The following ULK4 variants were observed in gnomAD, a reference collection of about 807,000 sequenced individuals.
The protein encoded by ULK4 is unc-51 like kinase 4.
Under a neutral mutation model 160.6 loss-of-function variants are expected in ULK4, and 133 were observed. That is an observed-to-expected ratio of 0.83 (90% CI 0.72 to 0.96). The LOEUF (loss-of-function observed/expected upper bound fraction) is 0.96. Ranked by LOEUF, ULK4 falls within the 40% of genes least tolerant of loss-of-function variation. The probability of loss-of-function intolerance (pLI) is 0.00; values close to 1 mark genes in which losing one functional copy is unlikely to be tolerated. For missense variants in ULK4, 1,580 were observed against 1,499.5 expected (o/e 1.05, Z -0.89); for synonymous variants, 534 against 539.8 (o/e 0.99, Z 0.15).
In ULK4 at chr3:41,353,699, T is replaced by TTACTAC. The variant is rs4016416; in HGVS notation, c.3678+44374_3678+44379dup. 3.8e-3 allele frequency among the ~76,000 whole-genome samples: 546 copies of TTACTAC among 143,952 alleles called. 2 individuals carry two copies. The highest frequency in any genetic ancestry group is 7.6e-3 in the East Asian group (37 of 4,878). 94.4% of individuals were successfully genotyped at this position (143,952 alleles called of 152,430 possible). On this transcript the variant is annotated intron_variant, in intron 35 of 36. Coordinates refer to ENST00000301831, the MANE Select transcript of ULK4 (RefSeq NM_017886.4). Reference sequence around the variant, plus strand: ...ATAATAATAATAATAATAATTACAATTACTACTACTACTACTACTACTACT... The same window carrying TTACTAC: ...ATAATAATAATAATAATAATTACAATTACTACTACTACTACTACTACTACTACTACT...
chr3:41,909,028 G>T (rs112245154), intron 11 of ULK4, among the ~76,000 whole-genome samples: 18,558 of 144,402 alleles, frequency 0.13, 1,304 homozygotes, highest in Middle Eastern at 0.28. Context: ...AGGAGGTGGA[G>T]ATTGCAGTGA....
chr3:41,340,614 T>G (rs1159295198), intron 35 of ULK4, among the ~76,000 whole-genome samples: 1 of 152,220 alleles, frequency 6.6e-6, no homozygotes, highest in Non-Finnish European at 1.5e-5. Flanking sequence ...ATCCAGTTCC[T>G]CAACAGTATG....
chr3:41,615,553 G>T, intron 31 of ULK4, 116 bp downstream of exon 31: 1 of 919,786 alleles, frequency 1.1e-6, no homozygotes, highest in South Asian at 1.7e-5. Context: ...TGATGATGAT[G>T]GACGTACAAT....
chr3:41,633,317 T>A (rs188495539), intron 30 of ULK4, among the ~76,000 whole-genome samples: 9 of 152,284 alleles, frequency 5.9e-5, no homozygotes, highest in Admixed American at 5.9e-4. Flanking sequence ...TATTTCATGA[T>A]ATATGAAAAC....
At chr3:41,839,592 T>C (rs886924700) in intron 17 of ULK4, among the ~76,000 whole-genome samples, 3 of 151,080 alleles carry the variant, frequency 2.0e-5, no homozygotes, top group African/African-American at 7.3e-5. Context: ...ATAGAAAAAA[T>C]GGACCAACTC....
rs1269284566 is a variant in ULK4 at position 41,520,063 on chromosome 3, C to T, written c.3226+45962G>A. The stretch of plus-strand genomic sequence containing the variant: ...TTTAACTGCGGTAAAATACACATAC[C>T]ATAAAAATGTACCATTTTAACTATT... On this transcript the variant is annotated intron_variant, in intron 32 of 36. Transcript: ENST00000301831. Among the ~76,000 whole-genome samples, 6 of 152,148 alleles carry T rather than the reference C, an allele frequency of 3.9e-5. No homozygotes were observed. In the South Asian group the frequency reaches 1.0e-3, roughly 26 times the overall value.
intron 1 of ULK4, among the ~76,000 whole-genome samples, chr3:41,958,586 C>G (rs144082288): frequency 1.5e-3 from 231 of 151,208 alleles, no homozygotes; most frequent in African/African-American, 5.4e-3. Context: ...GTGGCGCGCA[C>G]CTGTAATCCC....
intron 17 of ULK4, among the ~76,000 whole-genome samples, chr3:41,861,574 T>C (rs2042497228): frequency 6.6e-6 from 1 of 152,104 alleles, no homozygotes; most frequent in Non-Finnish European, 1.5e-5. Flanking sequence ...GTAGGATCCT[T>C]TCTTTATCCC....
chr3:41,833,279 T>C (rs2041651038), intron 18 of ULK4, among the ~76,000 whole-genome samples: 1 of 144,934 alleles, frequency 6.9e-6, no homozygotes, highest in Non-Finnish European at 1.5e-5. Context: ...AAGTTGTTTT[T>C]TTTTTTGTTT....
Position 41,566,109 on chromosome 3 carries a change from C to A in ULK4, c.3142G>T (p.Gly1048Cys), listed in dbSNP as rs767280666. The change falls in exon 32 of 37, where the codon GGT becomes TGT. Residue 1048 changes from glycine (G) to cysteine (C), a missense_variant. Transcript: ENST00000301831. Reference sequence around the variant, plus strand: ...GCAATCACACTTTGCATGGTATTACCCAGAATGCTCTCCTGATGTTCCTGC... The same window carrying A: ...GCAATCACACTTTGCATGGTATTACACAGAATGCTCTCCTGATGTTCCTGC... ...VTLEHQESIL[G>C]NTMQSVIALL... The A allele has an allele frequency of 6.2e-7, 1 of 1,612,780 alleles. No homozygotes were observed. The highest frequency in any genetic ancestry group is 1.1e-5 in the South Asian group (1 of 90,842).
intron 2 of ULK4, among the ~76,000 whole-genome samples, chr3:41,944,320 C>T (rs9876960): frequency 0.69 from 104,146 of 152,030 alleles, 39,195 homozygotes; most frequent in East Asian, 0.83. Context: ...TGCTTTAAGA[C>T]GTGTAATTTC....
At chr3:41,692,317 A>G (rs1479674542) in intron 27 of ULK4, among the ~76,000 whole-genome samples, 2 of 152,078 alleles carry the variant, frequency 1.3e-5, no homozygotes, top group African/African-American at 4.8e-5. Flanking sequence ...ATATGACAGC[A>G]AACATGTTCT....
chr3:41,742,252 G>T (rs1373943955), intron 22 of ULK4, among the ~76,000 whole-genome samples: 3 of 151,964 alleles, frequency 2.0e-5, no homozygotes, highest in Admixed American at 2.0e-4. Context: ...CCTGCAAAGT[G>T]GAAGCAGTAA....
rs148165187 is a variant in ULK4, at chr3:41,748,802, T to A, written c.2321+5559A>T. On this transcript the variant is annotated intron_variant, in intron 22 of 36. Transcript: ENST00000301831. ...CTTAGACAAAAAGGTATTAATAGTA[T>A]GCTATGAATACTGTTCTAAATCTGA... Among the ~76,000 whole-genome samples the A allele has an allele frequency of 2.0e-3, 310 of 152,338 alleles. 2 individuals are homozygous for A. The highest frequency in any genetic ancestry group is 7.2e-3 in the African/African-American group (300 of 41,586).
intron 31 of ULK4, among the ~76,000 whole-genome samples, chr3:41,579,279 A>G (rs1161431204): frequency 6.6e-6 from 1 of 152,170 alleles, no homozygotes; most frequent in Non-Finnish European, 1.5e-5. Flanking sequence ...CCAGAAATCA[A>G]AATGAGTGCT....
intron 18 of ULK4, among the ~76,000 whole-genome samples, chr3:41,834,796 C>A (rs904405051): frequency 5.3e-5 from 8 of 152,194 alleles, no homozygotes; most frequent in African/African-American, 1.9e-4. Context: ...GTAATCCCAG[C>A]ACTGTGGGAG....
chr3:41,493,341 C>T (rs371221823), intron 32 of ULK4, among the ~76,000 whole-genome samples: 3 of 144,524 alleles, frequency 2.1e-5, no homozygotes, highest in South Asian at 2.3e-4. Flanking sequence ...GGGTACATAA[C>T]GAAATGAAGG....
At chr3:41,569,672 T>C (rs540371568) in intron 31 of ULK4, among the ~76,000 whole-genome samples, 1 of 152,282 alleles carries the variant, frequency 6.6e-6, no homozygotes, top group African/African-American at 2.4e-5. Flanking sequence ...CCCTGGCCCC[T>C]ATTTATATTG....
chr3:41,412,982 C>T (rs987758258), intron 34 of ULK4, among the ~76,000 whole-genome samples: 3 of 152,144 alleles, frequency 2.0e-5, no homozygotes, highest in East Asian at 1.9e-4. Context: ...TCTGTTCTCA[C>T]ATTACTGATA....
Sources: allele counts gnomAD v4.1 joint callset (sites outside exome capture counted in the v4.1 genomes callset), GRCh38; gene constraint gnomAD v4.1.1; transcripts MANE v1.5; gene names NCBI Gene and HGNC (gene_info 2026-07-23, HGNC 2026-07-21).